FCAMR: variants seen among roughly 807,000 people sequenced by gnomAD.
FCAMR encodes high affinity immunoglobulin alpha and immunoglobulin mu Fc receptor.
Under a neutral mutation model 52.2 loss-of-function variants are expected in FCAMR, and 51 were observed. The ratio of observed to expected loss-of-function variants is 0.98; its 90% CI spans 0.78 to 1.23. FCAMR has a LOEUF of 1.23. FCAMR is among the 50% of genes most tolerant of loss of function. FCAMR has a pLI of 0.00. For synonymous variants in FCAMR, 282 were observed against 262.0 expected, an observed-to-expected ratio of 1.08 and a Z score of -0.74; for missense variants, 719 against 712.6, an observed-to-expected ratio of 1.01 and a Z score of -0.10.
rs55633368 is a variant in FCAMR, at chr1:206,962,391, G to C, written c.474C>G (p.Thr158=). ...GATAGCGATGGTGAGTATACTGGTT[G>C]GTGGACACAATGGTCTGGCAGATCC... ...PRWICQTIVS[T]NQYTHHRYRD... Residue 158 remains threonine (T), a synonymous_variant, in exon 5 of 8, where the codon ACC becomes ACG. Coordinates refer to ENST00000324852, the MANE Select transcript of FCAMR (RefSeq NM_001170631.2). 1.9e-3 allele frequency: 3,112 copies of C among 1,614,192 alleles called. 12 individuals are homozygous for C. The highest frequency in any genetic ancestry group is 2.1e-3 in the Non-Finnish European group (2,445 of 1,180,028).
At position 206,961,009 on chromosome 1, in the gene FCAMR, T is replaced by C; in HGVS notation, c.867A>G (p.Pro289=). The C allele has an allele frequency of 6.4e-7, 1 of 1,551,944 alleles. No individual in the cohort carries two copies. Residue 289 remains proline, a synonymous_variant, in exon 6 of 8, where the codon CCA becomes CCG. Coordinates refer to ENST00000324852, the MANE Select transcript of FCAMR (RefSeq NM_001170631.2). ...CCCAGCTGCCTGTCCCTGGAGCTGC[T>C]GGCCTGGTTGCTCCTGGGGTTCGTC... ...EGRRTPGATR[P]AAPGTGSWAE... is the part of the protein sequence containing the mutation.
chr1:206,966,060 G>A, intron 3 of FCAMR: 1 of 696,442 alleles, frequency 1.4e-6, no homozygotes, highest in Non-Finnish European at 2.5e-6. Flanking sequence ...AGCAGCAGCT[G>A]CCTAGATTGG....
At chr1:206,964,028 G>A (rs1157033410) in intron 4 of FCAMR, among the ~76,000 whole-genome samples, 1 of 152,106 alleles carries the variant, frequency 6.6e-6, no homozygotes, top group Non-Finnish European at 1.5e-5. Context: ...GAAGAACCTG[G>A]GACAAAGGGC....
intron 2 of FCAMR, among the ~76,000 whole-genome samples, chr1:206,967,333 C>A (rs1177764201): frequency 6.6e-6 from 1 of 152,146 alleles, no homozygotes; most frequent in African/African-American, 2.4e-5. Flanking sequence ...TCCACGAGGC[C>A]AAAATGTCCC....
rs1436819150 is a variant in FCAMR, at chr1:206,961,003, A to T, written c.873T>A (p.Ala291=). The change falls in exon 6 of 8, where the codon GCT becomes GCA. Residue 291 remains alanine (A), a synonymous_variant. Coordinates refer to ENST00000324852, the MANE Select transcript of FCAMR (RefSeq NM_001170631.2). ...RRTPGATRPA[A]PGTGSWAEGS... ...CCTCTGCCCAGCTGCCTGTCCCTGG[A>T]GCTGCTGGCCTGGTTGCTCCTGGGG... The T allele has an allele frequency of 6.4e-7, 1 of 1,551,666 alleles. No individual in the cohort carries two copies.
intron 4 of FCAMR, among the ~76,000 whole-genome samples, chr1:206,962,795 G>T (rs1680563232): frequency 6.6e-6 from 1 of 152,118 alleles, no homozygotes; most frequent in South Asian, 2.1e-4. Flanking sequence ...CACTTATCCT[G>T]AGCTATCCTG....
chr1:206,958,963 G>C, intron 7 of FCAMR: 1 of 559,822 alleles, frequency 1.8e-6, no homozygotes. Context: ...TTAAACCTGG[G>C]CATGTTGCTC....
At chr1:206,968,550 G>A (rs956552247) in intron 1 of FCAMR, among the ~76,000 whole-genome samples, 2 of 152,148 alleles carry the variant, frequency 1.3e-5, no homozygotes, top group South Asian at 2.1e-4. Flanking sequence ...TACTGTTAAG[G>A]ACAGGCGCTA....
At chr1:206,959,621 G>T in intron 7 of FCAMR, 58 bp downstream of exon 7, 1 of 1,396,910 alleles carries the variant, frequency 7.2e-7, no homozygotes, top group Non-Finnish European at 1.0e-6. Flanking sequence ...ACCCAGCCCT[G>T]AGGGTGTCAG....
At chr1:206,966,915 A>T in intron 3 of FCAMR, 137 bp downstream of exon 3, 1 of 737,962 alleles carries the variant, frequency 1.4e-6, no homozygotes, top group Non-Finnish European at 2.3e-6. Context: ...CAGCATGGAG[A>T]TGGAGCCATT....
chr1:206,958,276 A>G lies in FCAMR; in HGVS notation c.*240T>C. 2.3e-6 allele frequency: 1 copy of G among 428,480 alleles called. No individual in the cohort carries two copies. Among genetic ancestry groups the G allele is most frequent in the Non-Finnish European group, 4.1e-6 (1 of 244,224 alleles). 26.5% of individuals were successfully genotyped at this position (428,480 alleles called of 1,614,324 possible). A position where few individuals can be genotyped will look rare whatever the true frequency, so the allele number is the denominator to read the frequency against. ...ATGCTTTTCCTAGGTGACCTCTTCC[A>G]GTGTTTCATACACTGTTCTTGAAGT... On this transcript the variant is annotated 3_prime_UTR_variant, in exon 8 of 8. Transcript: ENST00000324852.
chr1:206,959,799 T>G lies in FCAMR; in HGVS notation c.1455-2A>C. The G allele has an allele frequency of 1.2e-6, 2 of 1,610,632 alleles. No individual in the cohort carries two copies. The highest frequency in any genetic ancestry group is 1.7e-6 in the Non-Finnish European group (2 of 1,176,816). On this transcript the variant is annotated splice_acceptor_variant, in intron 6 of 7. Transcript: ENST00000324852. LOFTEE classifies it high-confidence loss of function. ...CTGCTTTCATCTTCTGGAAAAGTAC[T>G]ACAGTGGGGGTGGAAAGAGCACAGG...
chr1:206,959,811 G>A lies in FCAMR; in HGVS notation c.1455-14C>T, dbSNP rs1171739726. 23 of 1,593,402 alleles carry A rather than the reference G, an allele frequency of 1.4e-5. No individual in the cohort carries two copies. Among genetic ancestry groups the A allele is most frequent in the Non-Finnish European group, 2.0e-5 (23 of 1,161,174 alleles). ...TCTGGAAAAGTACTACAGTGGGGGT[G>A]GAAAGAGCACAGGGGAGAGGAGGTT... is the stretch of plus-strand genomic sequence containing the variant. On this transcript the variant is annotated splice_polypyrimidine_tract_variant and intron_variant, in intron 6 of 7. Coordinates refer to ENST00000324852, the MANE Select transcript of FCAMR (RefSeq NM_001170631.2).
intron 3 of FCAMR, 65 bp from the exon 4 acceptor site, chr1:206,965,923 A>C: frequency 6.2e-7 from 1 of 1,606,164 alleles, no homozygotes. Flanking sequence ...GCACCTACAG[A>C]GGAAGAAGCA....
chr1:206,962,652 A>G, intron 4 of FCAMR, 101 bp from the exon 5 acceptor site: 1 of 919,370 alleles, frequency 1.1e-6, no homozygotes, highest in East Asian at 2.7e-5. Context: ...GGGTCAAGTC[A>G]GAAAATACCA....
intron 1 of FCAMR, among the ~76,000 whole-genome samples, chr1:206,969,018 C>T (rs974152127): frequency 1.3e-5 from 2 of 152,202 alleles, no homozygotes; most frequent in African/African-American, 4.8e-5. Flanking sequence ...CGATGGCAGT[C>T]TCAGACCTTT....
intron 2 of FCAMR, 46 bp downstream of exon 2, chr1:206,967,537 C>T (rs1278243953): frequency 6.3e-7 from 1 of 1,579,964 alleles, no homozygotes; most frequent in Non-Finnish European, 8.7e-7. Flanking sequence ...GATTCCTTTT[C>T]AGGAGAATGA....
chr1:206,958,433 A>T lies in FCAMR; in HGVS notation c.*83T>A. On this transcript the variant is annotated 3_prime_UTR_variant, in exon 8 of 8. Transcript: ENST00000324852. Reference sequence around the variant, plus strand: ...TTCTCTTCCCACAGGTGGAGGAAGGATGATGGAAAGAGGCTGGGGTCCTGA... The same window carrying T: ...TTCTCTTCCCACAGGTGGAGGAAGGTTGATGGAAAGAGGCTGGGGTCCTGA... 3 of 1,399,526 alleles carry T rather than the reference A, an allele frequency of 2.1e-6. No individual in the cohort carries two copies. Among genetic ancestry groups the T allele is most frequent in the Non-Finnish European group, 2.9e-6 (3 of 1,044,618 alleles). The allele number at this position is 1,399,526 out of a possible 1,614,324, so 86.7% of individuals were successfully genotyped here. A position where few individuals can be genotyped will look rare whatever the true frequency, so the allele number is the denominator to read the frequency against.
chr1:206,958,828 C>T (rs758336489), intron 7 of FCAMR, 152 bp from the exon 8 acceptor site: 93 of 962,326 alleles, frequency 9.7e-5, no homozygotes, highest in Non-Finnish European at 1.4e-4. Context: ...GCCAGCCTAG[C>T]CCATGATAGG....
Sources: gnomAD v4.1 joint callset for allele counts (sites outside exome capture counted in the v4.1 genomes callset) on GRCh38, gnomAD v4.1.1 for gene constraint, MANE v1.5 for transcripts, NCBI Gene and HGNC (gene_info 2026-07-23, HGNC 2026-07-21) for gene names.